The following GAR1 variants were observed in gnomAD, a reference collection of about 807,000 sequenced individuals.
The protein encoded by GAR1 is GAR1 ribonucleoprotein, also known as H/ACA ribonucleoprotein complex subunit 1.
GAR1 carries 11 observed loss-of-function variants against 29.3 expected under a neutral mutation model. That is an observed-to-expected ratio of 0.38 (90% confidence interval 0.24 to 0.62). The LOEUF (loss-of-function observed/expected upper bound fraction) is 0.62, where lower values mean the gene tolerates loss of function less well. Ranked by LOEUF, GAR1 falls within the 20% of genes least tolerant of loss-of-function variation. The pLI is 0.62. For missense variants in GAR1, 237 were observed against 268.4 expected (o/e 0.88, Z 0.82); for synonymous variants, 87 against 93.3 (o/e 0.93, Z 0.39).
intron 5 of GAR1, 150 bp from the exon 6 acceptor site, chr4:109,823,815 G>T (rs1049760335): frequency 9.3e-6 from 4 of 432,032 alleles, no homozygotes; most frequent in Non-Finnish European, 1.2e-5. Flanking sequence ...TAAAATATGT[G>T]AATCTATATT....
intron 3 of GAR1, 31 bp downstream of exon 3, chr4:109,818,121 A>T (rs777519136): frequency 7.2e-6 from 11 of 1,524,470 alleles, no homozygotes; most frequent in Non-Finnish European, 7.1e-6. Context: ...GCCTGATAAT[A>T]TTCAAAGGTT....
At chr4:109,822,324 A>G (rs746592483) in intron 4 of GAR1, 23 bp from the exon 5 acceptor site, 2 of 1,405,554 alleles carry the variant, frequency 1.4e-6, no homozygotes, top group South Asian at 2.5e-5. Context: ...GTTGTATACT[A>G]ATTGCTTCTA....
intron 4 of GAR1, among the ~76,000 whole-genome samples, chr4:109,820,049 A>G (rs1287222525): frequency 2.0e-5 from 3 of 152,362 alleles, no homozygotes; most frequent in African/African-American, 4.8e-5. Context: ...GAAGATAAAA[A>G]GGCACCTTGG....
chr4:109,815,976 C>A (rs1733337347), intron 1 of GAR1, 172 bp downstream of exon 1: 2 of 680,804 alleles, frequency 2.9e-6, no homozygotes, highest in Middle Eastern at 8.4e-4. Flanking sequence ...GCTCACGAGA[C>A]CATGGAGAAG....
At chr4:109,818,132 G>A in intron 3 of GAR1, 42 bp downstream of exon 3, 1 of 1,469,840 alleles carries the variant, frequency 6.8e-7, no homozygotes, top group Non-Finnish European at 9.3e-7. Flanking sequence ...TTCAAAGGTT[G>A]CTATTTGCAT....
At position 109,823,741 on chromosome 4, in the gene GAR1, C is replaced by T. The variant is rs532271652; in HGVS notation, c.572-224C>T. Among the ~76,000 whole-genome samples the T allele has an allele frequency of 7.2e-4, 109 of 152,188 alleles. 1 individual carries two copies. Among genetic ancestry groups the T allele is most frequent in the Admixed American group, 3.7e-3 (57 of 15,274 alleles). On this transcript the variant is annotated intron_variant, in intron 5 of 6. Transcript: ENST00000226796. ...AAATGGAATAATCTGGGGTTTTAGC[C>T]TGTTGCCCAGTTGGTAAACTACTAC...
intron 3 of GAR1, 100 bp downstream of exon 3, chr4:109,818,190 A>C: frequency 1.3e-6 from 1 of 783,020 alleles, no homozygotes; most frequent in Non-Finnish European, 2.1e-6. Flanking sequence ...TGCTTCATTA[A>C]ATTAGACAGG....
At chr4:109,819,902 G>A (rs1733465701) in intron 4 of GAR1, among the ~76,000 whole-genome samples, 1 of 152,218 alleles carries the variant, frequency 6.6e-6, no homozygotes, top group South Asian at 2.1e-4. Context: ...TGTGAATTAA[G>A]ACCAGAGAGG....
chr4:109,817,808 G>C, intron 2 of GAR1, 128 bp from the exon 3 acceptor site: 2 of 672,368 alleles, frequency 3.0e-6, no homozygotes, highest in Non-Finnish European at 5.1e-6. Flanking sequence ...CTAAGACTGT[G>C]GTCTTCTGCC....
chr4:109,818,725 C>T (rs888207458), intron 3 of GAR1, among the ~76,000 whole-genome samples: 17 of 152,002 alleles, frequency 1.1e-4, no homozygotes, highest in African/African-American at 2.9e-4. Context: ...CCACCATGCC[C>T]GGCTGATTTT....
intron 5 of GAR1, among the ~76,000 whole-genome samples, chr4:109,822,946 A>G (rs1199531129): frequency 6.6e-6 from 1 of 152,212 alleles, no homozygotes; most frequent in Non-Finnish European, 1.5e-5. Context: ...CAATCAAACA[A>G]TTGGCAGACC....
chr4:109,816,612 C>T (rs568784165), intron 2 of GAR1, among the ~76,000 whole-genome samples: 1 of 152,160 alleles, frequency 6.6e-6, no homozygotes, highest in South Asian at 2.1e-4. Flanking sequence ...CCTAATTCCC[C>T]GATTTTACAG....
intron 5 of GAR1, among the ~76,000 whole-genome samples, 164 bp from the exon 6 acceptor site, chr4:109,823,801 C>G (rs9993509): frequency 0.22 from 33,057 of 151,864 alleles, 4,452 homozygotes; most frequent in East Asian, 0.43. Context: ...AATTTTTTCC[C>G]TGATAAAATA....
chr4:109,817,037 A>G (rs1023106178), intron 2 of GAR1, among the ~76,000 whole-genome samples: 2 of 152,242 alleles, frequency 1.3e-5, no homozygotes, highest in Admixed American at 1.3e-4. Context: ...AACTTACTAC[A>G]TTAAAGAGGA....
At chr4:109,817,687 T>A (rs560523181) in intron 2 of GAR1, among the ~76,000 whole-genome samples, 1 of 152,344 alleles carries the variant, frequency 6.6e-6, no homozygotes, top group Non-Finnish European at 1.5e-5. Context: ...ATACATTATA[T>A]GTTATTAGTG....
chr4:109,819,520 G>A (rs1238789320), intron 4 of GAR1: 1 of 158,754 alleles, frequency 6.3e-6, no homozygotes, highest in Non-Finnish European at 1.4e-5. Flanking sequence ...AGTCTGTAGT[G>A]TTTCCTGAAA....
chr4:109,817,928 T>C lies in GAR1; in HGVS notation c.215-8T>C. ...TCTATGTTTTAACATTTTCTTGTCC[T>C]GTTTCAGTATTAGGAGAGTTCCTGC... On this transcript the variant is annotated splice_polypyrimidine_tract_variant and splice_region_variant and intron_variant, in intron 2 of 6. Coordinates refer to ENST00000226796, the MANE Select transcript of GAR1 (RefSeq NM_018983.4). 2 of 1,594,022 alleles carry C rather than the reference T, an allele frequency of 1.3e-6. No individual in the cohort carries two copies. The highest frequency in any genetic ancestry group is 1.7e-6 in the Non-Finnish European group (2 of 1,171,618).
At chr4:109,818,210 G>A in intron 3 of GAR1, 120 bp downstream of exon 3, 1 of 679,160 alleles carries the variant, frequency 1.5e-6, no homozygotes, top group Non-Finnish European at 2.5e-6. Flanking sequence ...GATTGCTACA[G>A]ATTGGACCAT....
At chr4:109,824,271 T>A in intron 6 of GAR1, 147 bp from the exon 7 acceptor site, 1 of 635,630 alleles carries the variant, frequency 1.6e-6, no homozygotes, top group Non-Finnish European at 2.8e-6. Flanking sequence ...AAAATAAAGG[T>A]GTAATATGAA....
Sources: gnomAD v4.1 joint callset for allele counts (sites outside exome capture counted in the v4.1 genomes callset) on GRCh38, gnomAD v4.1.1 for gene constraint, MANE v1.5 for transcripts, NCBI Gene and HGNC (gene_info 2026-07-23, HGNC 2026-07-21) for gene names.